FAM168A: variants seen among roughly 807,000 people sequenced by gnomAD.
FAM168A encodes protein FAM168A.
In FAM168A, 3 loss-of-function variants were observed where a neutral mutation model predicts 28.5. The ratio of observed to expected loss-of-function variants is 0.11; its 90% CI spans 0.05 to 0.27. The LOEUF (loss-of-function observed/expected upper bound fraction) is 0.27, where lower values mean the gene tolerates loss of function less well. Ranked by LOEUF, FAM168A falls within the 10% of genes least tolerant of loss-of-function variation. The probability of loss-of-function intolerance (pLI) is 1.00; values close to 1 mark genes in which losing one functional copy is unlikely to be tolerated. For missense variants in FAM168A, 222 were observed against 311.5 expected, an observed-to-expected ratio of 0.71 and a Z score of 2.16; for synonymous variants, 122 against 124.2, an observed-to-expected ratio of 0.98 and a Z score of 0.12.
intron 1 of FAM168A, among the ~76,000 whole-genome samples, chr11:73,555,878 T>TA: frequency 6.6e-6 from 1 of 152,280 alleles, no homozygotes; most frequent in Middle Eastern, 3.4e-3. Context: ...AGGACCTTGT[T>TA]AGTCTTGTTC....
chr11:73,497,153 C>T (rs1854906796), intron 1 of FAM168A, among the ~76,000 whole-genome samples: 1 of 152,150 alleles, frequency 6.6e-6, no homozygotes, highest in African/African-American at 2.4e-5. Flanking sequence ...CTGTTTTGGC[C>T]TCTGGCCTGC....
intron 3 of FAM168A, chr11:73,430,162 G>A (rs919836971): frequency 5.1e-5 from 8 of 157,822 alleles, no homozygotes; most frequent in East Asian, 1.9e-4. Context: ...ACCTCAATCC[G>A]AGTGTTGGGC....
At chr11:73,456,673 T>C (rs1009936255) in intron 2 of FAM168A, among the ~76,000 whole-genome samples, 4 of 152,280 alleles carry the variant, frequency 2.6e-5, no homozygotes, top group Non-Finnish European at 5.9e-5. Context: ...TATTCTGCCT[T>C]TGTCCATAGG....
intron 1 of FAM168A, among the ~76,000 whole-genome samples, chr11:73,556,673 C>T (rs1349938525): frequency 6.6e-6 from 1 of 151,766 alleles, no homozygotes; most frequent in African/African-American, 2.4e-5. Context: ...AAACTATACA[C>T]TTTCAAAAAA....
chr11:73,497,662 A>AG (rs1242251076), intron 1 of FAM168A, among the ~76,000 whole-genome samples: 8 of 152,166 alleles, frequency 5.3e-5, no homozygotes, highest in African/African-American at 1.7e-4. Flanking sequence ...ACAGAAAACC[A>AG]AACACCACAC....
intron 2 of FAM168A, among the ~76,000 whole-genome samples, chr11:73,437,638 C>T (rs189448131): frequency 6.6e-6 from 1 of 152,132 alleles, no homozygotes; most frequent in Non-Finnish European, 1.5e-5. Flanking sequence ...AAAAATCTGA[C>T]TTATTAAGAA....
chr11:73,488,078 A>G (rs1208741141), intron 1 of FAM168A, among the ~76,000 whole-genome samples: 1 of 151,978 alleles, frequency 6.6e-6, no homozygotes, highest in East Asian at 1.9e-4. Flanking sequence ...AATTATGTTT[A>G]CTAAAGTTAA....
At chr11:73,544,772 T>G (rs866139529) in intron 1 of FAM168A, among the ~76,000 whole-genome samples, 1 of 103,562 alleles carries the variant, frequency 9.7e-6, no homozygotes, top group South Asian at 2.3e-4. Context: ...TATATATAAT[T>G]ATATATAATT....
At chr11:73,556,866 A>G (rs935206278) in intron 1 of FAM168A, among the ~76,000 whole-genome samples, 1 of 152,030 alleles carries the variant, frequency 6.6e-6, no homozygotes, top group East Asian at 1.9e-4. Context: ...ACTAAAAAAA[A>G]AAAAATACAA....
At chr11:73,544,327 T>C (rs1943696920) in intron 1 of FAM168A, among the ~76,000 whole-genome samples, 1 of 152,048 alleles carries the variant, frequency 6.6e-6, no homozygotes, top group African/African-American at 2.4e-5. Context: ...TCATACACTG[T>C]TGGTAGGAAT....
intron 2 of FAM168A, among the ~76,000 whole-genome samples, chr11:73,447,346 T>C (rs1867336138): frequency 6.6e-6 from 1 of 151,800 alleles, no homozygotes; most frequent in Non-Finnish European, 1.5e-5. Context: ...CCCAGGAATT[T>C]AAGACCAATC....
At chr11:73,410,772 A>G (rs930464566) in intron 5 of FAM168A, 1 of 152,242 alleles carries the variant, frequency 6.6e-6, no homozygotes, top group Non-Finnish European at 1.5e-5. Context: ...TGTTTCCTAT[A>G]GAGTCACTCC....
intron 2 of FAM168A, among the ~76,000 whole-genome samples, chr11:73,463,695 G>A (rs746509504): frequency 6.6e-6 from 1 of 152,112 alleles, no homozygotes; most frequent in Non-Finnish European, 1.5e-5. Flanking sequence ...AGGAACAGCT[G>A]GAGAAGAAGA....
intron 1 of FAM168A, among the ~76,000 whole-genome samples, chr11:73,486,678 T>C (rs1868057983): frequency 6.6e-6 from 1 of 152,204 alleles, no homozygotes; most frequent in Non-Finnish European, 1.5e-5. Flanking sequence ...GATTTCCAGA[T>C]TGATTTATAA....
chr11:73,497,841 T>C (rs2134619086), intron 1 of FAM168A, among the ~76,000 whole-genome samples: 1 of 152,338 alleles, frequency 6.6e-6, no homozygotes, highest in East Asian at 1.9e-4. Context: ...ACATGGCACA[T>C]GTATACATAT....
intron 1 of FAM168A, among the ~76,000 whole-genome samples, chr11:73,516,807 T>C (rs1053123365): frequency 6.6e-6 from 1 of 152,212 alleles, no homozygotes; most frequent in African/African-American, 2.4e-5. Flanking sequence ...TTAAAGAATG[T>C]CTGCATGTTA....
At chr11:73,417,140 T>C (rs970738804) in intron 4 of FAM168A, among the ~76,000 whole-genome samples, 2 of 152,110 alleles carry the variant, frequency 1.3e-5, no homozygotes, top group Non-Finnish European at 2.9e-5. Context: ...GAGTACTCCA[T>C]TTTTGGAGAT....
intron 2 of FAM168A, among the ~76,000 whole-genome samples, chr11:73,453,432 G>A (rs1156760544): frequency 6.6e-6 from 1 of 151,960 alleles, no homozygotes; most frequent in East Asian, 1.9e-4. Context: ...TCGAAAAAGA[G>A]ATCAGCACTA....
chr11:73,572,454 G>T (rs1297395210), intron 1 of FAM168A, among the ~76,000 whole-genome samples: 1 of 152,142 alleles, frequency 6.6e-6, no homozygotes, highest in African/African-American at 2.4e-5. Context: ...GTGGGGAAAA[G>T]ATTGAGAAAT....
Sources: gnomAD v4.1 joint callset for allele counts (sites outside exome capture counted in the v4.1 genomes callset) on GRCh38, gnomAD v4.1.1 for gene constraint, MANE v1.5 for transcripts, NCBI Gene and HGNC (gene_info 2026-07-23, HGNC 2026-07-21) for gene names.